GRIP1: variants seen among roughly 807,000 people sequenced by gnomAD.
GRIP1 encodes glutamate receptor-interacting protein 1.
Under a neutral mutation model 129.9 loss-of-function variants are expected in GRIP1, and 45 were observed. That is an observed-to-expected ratio of 0.35 (90% CI 0.27 to 0.44). GRIP1 has a LOEUF of 0.44. Ranked by LOEUF, GRIP1 falls within the 20% of genes least tolerant of loss-of-function variation. GRIP1 has a pLI of 1.00. For missense variants in GRIP1, 1,196 were observed against 1,396.8 expected, an observed-to-expected ratio of 0.86 and a Z score of 2.29; for synonymous variants, 530 against 520.8, an observed-to-expected ratio of 1.02 and a Z score of -0.24.
intron 9 of GRIP1, among the ~76,000 whole-genome samples, chr12:66,458,387 CT>C (rs5798827): frequency 0.42 from 63,397 of 151,534 alleles, 14,146 homozygotes; most frequent in African/African-American, 0.55. Flanking sequence ...GAATAGGTTA[CT>C]TTTTTTTTCT....
intron 1 of GRIP1, among the ~76,000 whole-genome samples, chr12:66,871,221 G>A (rs749869201): frequency 5.3e-5 from 8 of 152,064 alleles, no homozygotes; most frequent in Non-Finnish European, 1.0e-4. Context: ...GCAATGCTGC[G>A]ATTTTCTTGC....
At chr12:66,419,481 A>C (rs1251002580) in intron 15 of GRIP1, among the ~76,000 whole-genome samples, 1 of 152,214 alleles carries the variant, frequency 6.6e-6, no homozygotes, top group African/African-American at 2.4e-5. Context: ...AAAGGATAAA[A>C]GCTTGAGGGG....
At chr12:66,442,274 G>A (rs1469868016) in intron 13 of GRIP1, among the ~76,000 whole-genome samples, 1 of 151,340 alleles carries the variant, frequency 6.6e-6, no homozygotes, top group South Asian at 2.1e-4. Flanking sequence ...ATTGTTCCAG[G>A]AACAGCCCTT....
chr12:66,367,724 C>G (rs947108727), intron 23 of GRIP1, among the ~76,000 whole-genome samples: 1 of 152,148 alleles, frequency 6.6e-6, no homozygotes, highest in Admixed American at 6.5e-5. Flanking sequence ...GGGGTATACA[C>G]GTGTAGTGAA....
At position 66,678,025 on chromosome 12, in the gene GRIP1, T is replaced by C. The variant is rs140410890; in HGVS notation, c.55+825A>G. Among the ~76,000 whole-genome samples, 307 of 152,134 alleles carry C rather than the reference T, an allele frequency of 2.0e-3. 2 individuals are homozygous for C. Among genetic ancestry groups the C allele is most frequent in the African/African-American group, 7.1e-3 (296 of 41,522 alleles). On this transcript the variant is annotated intron_variant, in intron 1 of 24. Coordinates refer to ENST00000359742, the MANE Select transcript of GRIP1 (RefSeq NM_001366722.1). ...AATAATAAATTTTCTCTAAGGAAGG[T>C]TCTATCTAAAGGAAATAAGGCAAGA...
intron 1 of GRIP1, among the ~76,000 whole-genome samples, chr12:66,733,048 C>A (rs1403459119): frequency 2.0e-5 from 3 of 152,084 alleles, no homozygotes; most frequent in African/African-American, 7.2e-5. Flanking sequence ...GGGATGGGTT[C>A]TTGCTGTGTT....
intron 1 of GRIP1, among the ~76,000 whole-genome samples, chr12:66,895,779 A>T (rs1422216457): frequency 6.6e-6 from 1 of 152,358 alleles, no homozygotes; most frequent in Non-Finnish European, 1.5e-5. Flanking sequence ...TTACCAGAAG[A>T]TGAGGAAGTT....
chr12:66,410,449 T>G, intron 15 of GRIP1, among the ~76,000 whole-genome samples: 1 of 138,754 alleles, frequency 7.2e-6, no homozygotes, highest in Non-Finnish European at 1.5e-5. Context: ...CTGGCCAACA[T>G]GGTGAAAGCC....
rs752538141 is a variant in GRIP1, at chr12:66,779,968, T to C, written c.-420+24085A>G. Among the ~76,000 whole-genome samples, 6 of 152,196 alleles carry C rather than the reference T, an allele frequency of 3.9e-5. No individual in the cohort carries two copies. In the South Asian group the frequency reaches 1.2e-3, roughly 32 times the overall value. ...GGCCCTAAAGCAAAGTTAAAGAACA[T>C]AAAAATTAGTGTGGTGAATGTATCA... is the stretch of plus-strand genomic sequence containing the variant. On this transcript the variant is annotated intron_variant, in intron 1 of 4. Transcript: ENST00000538373.
At chr12:66,803,192 T>C (rs12309207) in intron 1 of GRIP1, among the ~76,000 whole-genome samples, 9,499 of 152,266 alleles carry the variant, frequency 0.062, 1,004 homozygotes, top group African/African-American at 0.22. Context: ...AATTGAAATA[T>C]AAGTTTATAA....
intron 2 of GRIP1, among the ~76,000 whole-genome samples, chr12:66,595,440 G>A (rs1050567851): frequency 1.3e-5 from 2 of 152,158 alleles, no homozygotes; most frequent in African/African-American, 4.8e-5. Context: ...ATCCCATAGA[G>A]TTGTAAGGAC....
At chr12:66,570,853 T>C (rs1185729683) in intron 2 of GRIP1, 1 of 152,196 alleles carries the variant, frequency 6.6e-6, no homozygotes. Flanking sequence ...CAATTTTATA[T>C]CAAGACAGCA....
At chr12:66,515,545 T>C in intron 7 of GRIP1, 74 bp downstream of exon 7, 3 of 1,343,628 alleles carry the variant, frequency 2.2e-6, no homozygotes, top group Non-Finnish European at 3.2e-6. Flanking sequence ...ACATACTTAA[T>C]CCAACATGGT....
intron 23 of GRIP1, among the ~76,000 whole-genome samples, chr12:66,360,103 G>A (rs1277697827): frequency 6.6e-6 from 1 of 152,084 alleles, no homozygotes; most frequent in Non-Finnish European, 1.5e-5. Flanking sequence ...GACTTGTCCA[G>A]TTAGAATGCA....
rs1240305297 is a variant in GRIP1, at chr12:66,379,366, G to A, written c.2535C>T (p.Ser845=). The change falls in exon 20 of 25, where the codon AGC becomes AGT. Residue 845 remains serine, a synonymous_variant. Coordinates refer to ENST00000359742, the MANE Select transcript of GRIP1 (RefSeq NM_001366722.1). The part of the protein sequence containing the change: ...YDWRSPKQRG[S]LSPVTKPRSQ... ...TTCGAGGCTTAGTGACTGGGGACAAGCTGCCTCTCTGTTTTGGACTCCTCC... is the reference window on the plus strand; with the variant it reads ...TTCGAGGCTTAGTGACTGGGGACAAACTGCCTCTCTGTTTTGGACTCCTCC... 2.5e-6 allele frequency: 4 copies of A among 1,613,964 alleles called. No homozygotes were observed. In the East Asian group the frequency reaches 6.7e-5, roughly 27 times the overall value.
At chr12:66,489,566 T>C (rs937903168) in intron 7 of GRIP1, among the ~76,000 whole-genome samples, 3 of 152,188 alleles carry the variant, frequency 2.0e-5, no homozygotes, top group Non-Finnish European at 2.9e-5. Context: ...AAGACAAGGA[T>C]GCCCTCTCTT....
At chr12:66,925,958 A>T (rs1386612582) in intron 1 of GRIP1, among the ~76,000 whole-genome samples, 1 of 152,218 alleles carries the variant, frequency 6.6e-6, no homozygotes, top group Non-Finnish European at 1.5e-5. Context: ...ATACCTGTTT[A>T]AGAAAATTTC....
intron 1 of GRIP1, among the ~76,000 whole-genome samples, chr12:66,707,288 C>T (rs746078883): frequency 5.3e-4 from 81 of 151,902 alleles, no homozygotes; most frequent in Middle Eastern, 6.8e-3. Context: ...CCATAATTGG[C>T]CCTTAGATAG....
intron 1 of GRIP1, among the ~76,000 whole-genome samples, chr12:66,949,888 C>A (rs369452795): frequency 7.3e-5 from 11 of 151,556 alleles, no homozygotes; most frequent in Admixed American, 6.6e-5. Flanking sequence ...CTGCCTCAGC[C>A]CCCCCGAGTA....
Sources: gnomAD v4.1 joint callset for allele counts (sites outside exome capture counted in the v4.1 genomes callset) on GRCh38, gnomAD v4.1.1 for gene constraint, MANE v1.5 for transcripts, NCBI Gene and HGNC (gene_info 2026-07-23, HGNC 2026-07-21) for gene names.